GOSR1: variants seen among roughly 807,000 people sequenced by gnomAD.
The protein encoded by GOSR1 is 28 kDa Golgi SNARE protein.
A neutral mutation model predicts 35.5 loss-of-function variants in GOSR1; 21 were observed. The ratio of observed to expected loss-of-function variants is 0.59; its 90% CI spans 0.42 to 0.85. GOSR1 has a LOEUF of 0.85. GOSR1 is among the 40% of genes least tolerant of loss of function. The pLI is 0.00. For missense variants in GOSR1, 285 were observed against 309.6 expected, an observed-to-expected ratio of 0.92 and a Z score of 0.60; for synonymous variants, 94 against 106.6, an observed-to-expected ratio of 0.88 and a Z score of 0.73.
At chr17:30,501,730 G>A (rs1322469999) in intron 6 of GOSR1, among the ~76,000 whole-genome samples, 7 of 152,068 alleles carry the variant, frequency 4.6e-5, no homozygotes, top group Admixed American at 2.6e-4. Flanking sequence ...TCCTGACCTC[G>A]TGATCCACCC....
At chr17:30,521,163 C>CT in intron 8 of GOSR1, among the ~76,000 whole-genome samples, 1 of 132,328 alleles carries the variant, frequency 7.6e-6, no homozygotes. Context: ...TAAGTTCTCT[C>CT]TCTCTTTTTT....
At chr17:30,510,030 GA>G (rs1967556364) in intron 6 of GOSR1, among the ~76,000 whole-genome samples, 1 of 152,072 alleles carries the variant, frequency 6.6e-6, no homozygotes, top group South Asian at 2.1e-4. Context: ...TATCTCTGTG[GA>G]AAAAATAGAT....
At chr17:30,485,040 T>A in intron 4 of GOSR1, 1 of 449,280 alleles carries the variant, frequency 2.2e-6, no homozygotes, top group East Asian at 4.7e-5. Context: ...GAGACCTAGC[T>A]AGCTAGCTGT....
intron 6 of GOSR1, among the ~76,000 whole-genome samples, chr17:30,500,911 C>T (rs1276250923): frequency 4.1e-5 from 6 of 146,900 alleles, no homozygotes; most frequent in African/African-American, 1.5e-4. Flanking sequence ...GACGGAGTCT[C>T]GCTCTGTCGC....
At chr17:30,510,680 C>G (rs1041279095) in intron 6 of GOSR1, 200 bp from the exon 7 acceptor site, 2 of 402,308 alleles carry the variant, frequency 5.0e-6, no homozygotes, top group African/African-American at 2.1e-5. Context: ...CACTACTGCA[C>G]TCCAGCCCAG....
At chr17:30,480,729 TGAGACATAG>T (rs1336910521) in intron 1 of GOSR1, 115 of 151,286 alleles carry the variant, frequency 7.6e-4, no homozygotes, top group South Asian at 8.3e-4. Flanking sequence ...TTCCTTTTTT[TGAGACATAG>T]TTTTGTTCTT....
chr17:30,523,307 C>T lies in GOSR1; in HGVS notation c.*929C>T, dbSNP rs1244915658. 2.2e-5 allele frequency: 4 copies of T among 179,980 alleles called. No individual in the cohort carries two copies. Among genetic ancestry groups the T allele is most frequent in the African/African-American group, 2.4e-5 (1 of 41,548 alleles). The allele number at this position is 179,980 out of a possible 1,614,324, so 11.1% of individuals were successfully genotyped here. A position where few individuals can be genotyped will look rare whatever the true frequency, so the allele number is the denominator to read the frequency against. On this transcript the variant is annotated 3_prime_UTR_variant, in exon 9 of 9. Transcript: ENST00000451249. ...GATGTGGGGAGCGCCTCTGCCCCGC[C>T]GCCCCGTCTGGGATGTGAGGAGCTC...
In GOSR1 at chr17:30,477,483, C is replaced by T; in HGVS notation, c.31+19C>T. The T allele has an allele frequency of 6.9e-6, 11 of 1,605,308 alleles. No individual in the cohort carries two copies. Among genetic ancestry groups the T allele is most frequent in the Non-Finnish European group, 9.4e-6 (11 of 1,174,736 alleles). On this transcript the variant is annotated intron_variant, in intron 1 of 8. Coordinates refer to ENST00000451249, the MANE Select transcript of GOSR1 (RefSeq NM_001007025.2). ...TGGGAAGGTGAGGGCGAGAAGGCCT[C>T]CGGGTGCGTCCTACGAGGGTGAGAG...
intron 6 of GOSR1, among the ~76,000 whole-genome samples, chr17:30,507,104 C>G (rs1038564775): frequency 6.6e-6 from 1 of 152,164 alleles, no homozygotes; most frequent in African/African-American, 2.4e-5. Flanking sequence ...ACACAGCATT[C>G]ATTCTGAAGC....
chr17:30,478,644 C>G (rs1356566993), intron 1 of GOSR1: 1 of 151,576 alleles, frequency 6.6e-6, no homozygotes, highest in Non-Finnish European at 1.5e-5. Flanking sequence ...GCAGCCTCCG[C>G]CTCCTGCGTT....
At chr17:30,481,387 A>G (rs1267676636) in intron 2 of GOSR1, 130 bp downstream of exon 2, 5 of 565,402 alleles carry the variant, frequency 8.8e-6, no homozygotes, top group Non-Finnish European at 1.5e-5. Context: ...TTTGCCATTC[A>G]TTGTTTTATT....
intron 6 of GOSR1, among the ~76,000 whole-genome samples, chr17:30,503,139 A>G (rs1018899966): frequency 6.6e-5 from 10 of 152,234 alleles, no homozygotes; most frequent in Non-Finnish European, 1.5e-4. Context: ...CCATTTTAAA[A>G]GAGGAAGAAG....
rs1452037773 is a variant in GOSR1 at position 30,484,273 on chromosome 17, C to A, written c.206C>A (p.Ala69Glu). ...CAAGACAGAATGTTTGAGACAATGG[C>A]GATTGAGATTGAACAACTTTTGGCA... ...SSQDRMFETM[A>E]IEIEQLLARL... The change falls in exon 3 of 9, where the codon GCG becomes GAG. Residue 69 changes from alanine (A) to glutamate (E), a missense_variant. Ala to Glu is a moderately radical substitution (Grantham distance 107). This residue lies in a region of GOSR1 where 108 missense variants were observed against 98.9 expected (regional missense o/e 1.09). Coordinates refer to ENST00000451249, the MANE Select transcript of GOSR1 (RefSeq NM_001007025.2). 1 of 1,610,394 alleles carries A rather than the reference C, an allele frequency of 6.2e-7. No homozygotes were observed. Among genetic ancestry groups the A allele is most frequent in the Admixed American group, 1.7e-5 (1 of 60,016 alleles).
chr17:30,482,132 C>T (rs1408569780), intron 2 of GOSR1, among the ~76,000 whole-genome samples: 1 of 151,936 alleles, frequency 6.6e-6, no homozygotes, highest in Non-Finnish European at 1.5e-5. Context: ...CCCCATAATC[C>T]ACATATATTC....
At chr17:30,506,894 C>G in intron 6 of GOSR1, among the ~76,000 whole-genome samples, 1 of 152,186 alleles carries the variant, frequency 6.6e-6, no homozygotes, top group East Asian at 1.9e-4. Flanking sequence ...TCAATCTACC[C>G]TGCCTGTGCT....
chr17:30,478,245 A>T (rs1364823872), intron 1 of GOSR1, among the ~76,000 whole-genome samples: 3 of 152,258 alleles, frequency 2.0e-5, no homozygotes, highest in African/African-American at 7.2e-5. Context: ...CAACAAGAGC[A>T]GAGAAAGCTC....
At chr17:30,519,200 A>G (rs1279454218) in intron 7 of GOSR1, among the ~76,000 whole-genome samples, 2 of 152,000 alleles carry the variant, frequency 1.3e-5, no homozygotes, top group African/African-American at 4.8e-5. Flanking sequence ...AGCTGGGACT[A>G]CAGGCACACA....
intron 5 of GOSR1, among the ~76,000 whole-genome samples, chr17:30,492,028 T>C (rs566460425): frequency 3.9e-5 from 6 of 152,272 alleles, no homozygotes; most frequent in African/African-American, 1.2e-4. Context: ...TGAGCCAACA[T>C]TGTGCCACTG....
At chr17:30,477,641 G>C (rs1597747682) in intron 1 of GOSR1, 177 bp downstream of exon 1, 2 of 984,852 alleles carry the variant, frequency 2.0e-6, no homozygotes, top group African/African-American at 3.5e-5. Context: ...GTCTGGGGTA[G>C]GGGTCTGGCC....
Sources: allele counts gnomAD v4.1 joint callset (sites outside exome capture counted in the v4.1 genomes callset), GRCh38; gene constraint gnomAD v4.1.1; regional missense constraint gnomAD v4.1.1; transcripts MANE v1.5; gene names NCBI Gene and HGNC (gene_info 2026-07-23, HGNC 2026-07-21).